Variants in EYS observed in about 807,000 individuals in gnomAD.
EYS encodes EGF-like photoreceptor maintenance factor.
Under a neutral mutation model 282.1 loss-of-function variants are expected in EYS, and 250 were observed. The ratio of observed to expected loss-of-function variants is 0.89; its 90% CI spans 0.80 to 0.98. The LOEUF (loss-of-function observed/expected upper bound fraction) is 0.98. Among genes scored for constraint, EYS ranks in the 50% least tolerant of loss-of-function variants. The probability of loss-of-function intolerance (pLI) is 0.00; values close to 1 mark genes in which losing one functional copy is unlikely to be tolerated. For missense variants in EYS, 4,016 were observed against 3,709.0 expected (o/e 1.08, Z -2.15); for synonymous variants, 1,355 against 1,282.9 (o/e 1.06, Z -1.20).
chr6:63,786,486 A>C (rs1014873569), intron 39 of EYS, among the ~76,000 whole-genome samples: 5 of 151,858 alleles, frequency 3.3e-5, no homozygotes, highest in Non-Finnish European at 5.9e-5. Flanking sequence ...TTGAACAATG[A>C]AAATGCACGG....
intron 21 of EYS, among the ~76,000 whole-genome samples, chr6:64,818,312 C>A (rs1208996657): frequency 6.6e-6 from 1 of 152,092 alleles, no homozygotes; most frequent in East Asian, 1.9e-4. Context: ...TTGCTCTTCT[C>A]CAGCATTAAT....
At chr6:65,200,593 A>G (rs1765876496) in intron 12 of EYS, among the ~76,000 whole-genome samples, 1 of 151,694 alleles carries the variant, frequency 6.6e-6, no homozygotes, top group Non-Finnish European at 1.5e-5. Flanking sequence ...TTTTAAAAAG[A>G]AAGCTAAGAA....
intron 14 of EYS, among the ~76,000 whole-genome samples, chr6:64,950,613 G>C (rs1039980846): frequency 6.7e-6 from 1 of 150,314 alleles, no homozygotes; most frequent in African/African-American, 2.4e-5. Flanking sequence ...TTTCAGAGCA[G>C]AAAAATATTT....
chr6:64,839,388 G>A (rs947513213), intron 19 of EYS, among the ~76,000 whole-genome samples: 2 of 151,890 alleles, frequency 1.3e-5, no homozygotes, highest in African/African-American at 4.8e-5. Flanking sequence ...TTCAGATTTT[G>A]TGTACTGTGA....
intron 12 of EYS, among the ~76,000 whole-genome samples, chr6:65,161,046 A>T (rs1486066403): frequency 1.3e-5 from 2 of 150,926 alleles, no homozygotes; most frequent in Admixed American, 6.6e-5. Context: ...ACCTACTTAA[A>T]ATCTATGTCT....
At chr6:64,216,250 A>T (rs925662429) in intron 31 of EYS, among the ~76,000 whole-genome samples, 2 of 152,234 alleles carry the variant, frequency 1.3e-5, no homozygotes, top group Admixed American at 6.5e-5. Flanking sequence ...GCAAGAACAA[A>T]TCATATTTTC....
chr6:63,940,241 A>C (rs747218630), intron 35 of EYS, among the ~76,000 whole-genome samples: 6 of 152,156 alleles, frequency 3.9e-5, no homozygotes, highest in Non-Finnish European at 8.8e-5. Context: ...ATTGCTTGCT[A>C]TGTACCATAG....
At chr6:65,704,549 G>A (rs569639220) in intron 1 of EYS, among the ~76,000 whole-genome samples, 52 of 152,272 alleles carry the variant, frequency 3.4e-4, no homozygotes, top group African/African-American at 1.1e-3. Context: ...TTCAGACTTT[G>A]ATGTGGTTCT....
At chr6:63,743,148 T>C (rs907888276) in intron 41 of EYS, among the ~76,000 whole-genome samples, 1 of 152,214 alleles carries the variant, frequency 6.6e-6, no homozygotes, top group African/African-American at 2.4e-5. Flanking sequence ...ATTGTCATTA[T>C]TTTTTAATTT....
intron 28 of EYS, among the ~76,000 whole-genome samples, chr6:64,428,879 T>C (rs1213115217): frequency 6.6e-6 from 1 of 152,182 alleles, no homozygotes; most frequent in Admixed American, 6.5e-5. Flanking sequence ...TATGATAAAA[T>C]GCCTGGGTAC....
intron 41 of EYS, among the ~76,000 whole-genome samples, chr6:63,752,752 C>T (rs1471240358): frequency 1.3e-5 from 2 of 152,100 alleles, no homozygotes; most frequent in African/African-American, 4.8e-5. Flanking sequence ...GCCTCGGCCT[C>T]CCAAAGTGCT....
rs549488523 is a variant in EYS at position 65,047,654 on chromosome 6, T to C, written c.2137+9960A>G. 1.2e-4 allele frequency among the ~76,000 whole-genome samples: 18 copies of C among 152,076 alleles called. No individual in the cohort carries two copies. In the South Asian group the frequency reaches 3.1e-3, roughly 26 times the overall value. ...TGTAGTTTCTACTTCTGGTCTAACA[T>C]CTTCCTATGCACACATTAGGATTAC... On this transcript the variant is annotated intron_variant, in intron 13 of 42. Transcript: ENST00000503581.
At chr6:64,807,450 T>C (rs530147771) in intron 22 of EYS, among the ~76,000 whole-genome samples, 1 of 152,070 alleles carries the variant, frequency 6.6e-6, no homozygotes, top group African/African-American at 2.4e-5. Flanking sequence ...TAAAACTCAA[T>C]TGAGTTTACA....
intron 24 of EYS, among the ~76,000 whole-genome samples, chr6:64,609,943 T>C (rs1215314565): frequency 6.6e-6 from 1 of 151,224 alleles, no homozygotes; most frequent in Non-Finnish European, 1.5e-5. Flanking sequence ...AATATAGTTA[T>C]TTATCTTAAA....
At chr6:64,615,797 T>C (rs773885865) in intron 24 of EYS, among the ~76,000 whole-genome samples, 46 of 152,098 alleles carry the variant, frequency 3.0e-4, no homozygotes, top group Admixed American at 7.2e-4. Context: ...TAGAGAATGG[T>C]TGCAAAACTA....
At chr6:65,250,369 C>A (rs1257625195) in intron 12 of EYS, among the ~76,000 whole-genome samples, 1 of 151,824 alleles carries the variant, frequency 6.6e-6, no homozygotes, top group African/African-American at 2.4e-5. Context: ...TAAGTGTCTA[C>A]CCTTATTAGC....
chr6:65,530,794 T>C (rs1199729473), intron 2 of EYS, among the ~76,000 whole-genome samples: 4 of 152,162 alleles, frequency 2.6e-5, no homozygotes, highest in Non-Finnish European at 4.4e-5. Context: ...GTAGAGTGTT[T>C]AGGAATGGCC....
At chr6:64,422,979 T>G (rs1300714364) in intron 28 of EYS, among the ~76,000 whole-genome samples, 1 of 152,166 alleles carries the variant, frequency 6.6e-6, no homozygotes, top group African/African-American at 2.4e-5. Flanking sequence ...TCTTTTTTAT[T>G]TTTTGGTTTT....
At chr6:64,820,014 T>G (rs1583191416) in intron 21 of EYS, among the ~76,000 whole-genome samples, 2 of 152,220 alleles carry the variant, frequency 1.3e-5, no homozygotes, top group East Asian at 3.9e-4. Context: ...ATTCTCCTCA[T>G]GAAATTAGTC....
Sources: gnomAD v4.1 joint callset for allele counts (sites outside exome capture counted in the v4.1 genomes callset) on GRCh38, gnomAD v4.1.1 for gene constraint, MANE v1.5 for transcripts, NCBI Gene and HGNC (gene_info 2026-07-23, HGNC 2026-07-21) for gene names.